LMBR1: variants seen among roughly 807,000 people sequenced by gnomAD.
LMBR1 encodes limb region 1 protein homolog.
In LMBR1, 52 loss-of-function variants were observed where a neutral mutation model predicts 73.9. That is an observed-to-expected ratio of 0.70 (90% CI 0.56 to 0.89). The LOEUF (loss-of-function observed/expected upper bound fraction) is 0.89, where lower values mean the gene tolerates loss of function less well. LMBR1 is among the 40% of genes least tolerant of loss of function. The probability of loss-of-function intolerance (pLI) is 0.00; values close to 1 mark genes in which losing one functional copy is unlikely to be tolerated. For missense variants in LMBR1, 539 were observed against 579.8 expected, an observed-to-expected ratio of 0.93 and a Z score of 0.72; for synonymous variants, 215 against 209.4, an observed-to-expected ratio of 1.03 and a Z score of -0.23.
intron 5 of LMBR1, among the ~76,000 whole-genome samples, chr7:156,776,781 C>T (rs992889982): frequency 2.6e-5 from 4 of 152,108 alleles, no homozygotes; most frequent in African/African-American, 7.2e-5. Flanking sequence ...AATCCCCTGG[C>T]GCCTACTCCT....
chr7:156,763,843 T>G, intron 5 of LMBR1, 48 bp from the exon 6 acceptor site: 1 of 1,497,356 alleles, frequency 6.7e-7, no homozygotes, highest in Non-Finnish European at 9.0e-7. Context: ...CTTCATTTCA[T>G]GAACAATAAG....
chr7:156,867,525 T>G (rs894779849), intron 1 of LMBR1, among the ~76,000 whole-genome samples: 10 of 152,208 alleles, frequency 6.6e-5, no homozygotes, highest in African/African-American at 2.2e-4. Flanking sequence ...CATCACCTGA[T>G]GAATAAACAA....
intron 1 of LMBR1, among the ~76,000 whole-genome samples, chr7:156,847,773 G>T (rs962631034): frequency 6.6e-6 from 1 of 152,184 alleles, no homozygotes; most frequent in African/African-American, 2.4e-5. Context: ...CCAAATGCTG[G>T]TGAGGATGTG....
intron 1 of LMBR1, among the ~76,000 whole-genome samples, chr7:156,845,176 A>T (rs1461085540): frequency 2.6e-5 from 4 of 152,192 alleles, no homozygotes; most frequent in Non-Finnish European, 5.9e-5. Context: ...TACCCCAAGA[A>T]TATATACATC....
In LMBR1 at chr7:156,678,606, G is replaced by C. The variant is rs1431498197; in HGVS notation, c.*5472C>G. 1 of 152,208 alleles carries C rather than the reference G, an allele frequency of 6.6e-6. No homozygotes were observed. Among genetic ancestry groups the C allele is most frequent in the African/African-American group, 2.4e-5 (1 of 41,448 alleles). The allele number at this position is 152,208 out of a possible 1,614,324, so 9.4% of individuals were successfully genotyped here. ...CTATAAAAACTGGGACACTGACCAA[G>C]AAAGAGTGGGGCCTTTGGAAACATG... On this transcript the variant is annotated 3_prime_UTR_variant, in exon 17 of 17. Coordinates refer to ENST00000353442, the MANE Select transcript of LMBR1 (RefSeq NM_022458.4).
chr7:156,836,575 T>A (rs530985453), intron 2 of LMBR1, among the ~76,000 whole-genome samples: 1 of 152,228 alleles, frequency 6.6e-6, no homozygotes, highest in Non-Finnish European at 1.5e-5. Flanking sequence ...CCTAGCACTA[T>A]TCTTAGTTGG....
At chr7:156,794,093 C>T (rs1364809290) in intron 5 of LMBR1, among the ~76,000 whole-genome samples, 4 of 152,164 alleles carry the variant, frequency 2.6e-5, no homozygotes, top group African/African-American at 9.7e-5. Flanking sequence ...GGACAAATGG[C>T]AGTCGTCCGG....
chr7:156,860,230 G>C (rs1032793836), intron 1 of LMBR1, among the ~76,000 whole-genome samples: 1 of 152,176 alleles, frequency 6.6e-6, no homozygotes. Context: ...CACGTGGCTG[G>C]GGAGGCCTCA....
intron 9 of LMBR1, among the ~76,000 whole-genome samples, chr7:156,737,756 T>G (rs1163954826): frequency 6.6e-6 from 1 of 151,910 alleles, no homozygotes; most frequent in Non-Finnish European, 1.5e-5. Context: ...CATCTCTATC[T>G]CTGCCAGGAT....
intron 5 of LMBR1, among the ~76,000 whole-genome samples, chr7:156,768,056 C>T (rs1161693820): frequency 2.6e-5 from 4 of 152,080 alleles, no homozygotes; most frequent in African/African-American, 9.7e-5. Context: ...GTACATAGCG[C>T]TTCATTGTTA....
At chr7:156,700,584 G>T (rs949691033) in intron 15 of LMBR1, among the ~76,000 whole-genome samples, 1 of 151,886 alleles carries the variant, frequency 6.6e-6, no homozygotes, top group African/African-American at 2.4e-5. Context: ...GCTCCAGTTC[G>T]CAACAAGTTC....
intron 9 of LMBR1, among the ~76,000 whole-genome samples, chr7:156,749,367 C>T (rs1820417507): frequency 1.3e-5 from 2 of 152,182 alleles, no homozygotes; most frequent in Non-Finnish European, 2.9e-5. Flanking sequence ...CAGACTACTA[C>T]TCTGAGATAG....
At chr7:156,773,723 G>A (rs1021057310) in intron 5 of LMBR1, among the ~76,000 whole-genome samples, 2 of 152,152 alleles carry the variant, frequency 1.3e-5, no homozygotes, top group Middle Eastern at 3.4e-3. Flanking sequence ...AGACTTAAAT[G>A]TAAAACCTAA....
intron 4 of LMBR1, among the ~76,000 whole-genome samples, chr7:156,824,847 TAAA>T (rs756011629): frequency 3.4e-5 from 3 of 89,540 alleles, no homozygotes; most frequent in Admixed American, 1.1e-4. Flanking sequence ...CCTGTCTCAA[TAAA>T]AAAAAAAAAA....
At chr7:156,795,971 G>T (rs1830004912) in intron 5 of LMBR1, among the ~76,000 whole-genome samples, 1 of 152,084 alleles carries the variant, frequency 6.6e-6, no homozygotes, top group Non-Finnish European at 1.5e-5. Flanking sequence ...TCTGATCCTG[G>T]TATATTTACT....
At position 156,678,511 on chromosome 7, in the gene LMBR1, A is replaced by G. The variant is rs1201030168; in HGVS notation, c.*5567T>C. ...CTGGACAATTTGAAGATAACGCCAC[A>G]TTGTCAGGTCAAGTCAGGAAAACAG... On this transcript the variant is annotated 3_prime_UTR_variant, in exon 17 of 17. Transcript: ENST00000353442. 1 of 152,208 alleles carries G rather than the reference A, an allele frequency of 6.6e-6. No homozygotes were observed. The highest frequency in any genetic ancestry group is 1.9e-4 in the East Asian group (1 of 5,188). The allele number at this position is 152,208 out of a possible 1,614,324, so 9.4% of individuals were successfully genotyped here. A position where few individuals can be genotyped will look rare whatever the true frequency, so the allele number is the denominator to read the frequency against.
Position 156,669,454 on chromosome 7 carries a change from C to A in LMBR1, n.867-167G>T, listed in dbSNP as rs73744306. ...GCACCCTGAACCCAAATGGAGGAACCGTGCCGTTCCCTGGAACCTCTGTCC... is the reference window on the plus strand; with the variant it reads ...GCACCCTGAACCCAAATGGAGGAACAGTGCCGTTCCCTGGAACCTCTGTCC... On this transcript the variant is annotated intron_variant and non_coding_transcript_variant, in intron 4 of 4. Coordinates refer to the LMBR1 transcript ENST00000430825. This position sits in a 1 kb window ranked among gnomAD's most constrained non-coding sequence, Gnocchi z 4.2. Among the ~76,000 whole-genome samples the A allele has an allele frequency of 6.6e-6, 1 of 152,100 alleles. No individual in the cohort carries two copies.
chr7:156,782,268 C>T (rs1377595256), intron 5 of LMBR1, among the ~76,000 whole-genome samples: 2 of 152,204 alleles, frequency 1.3e-5, no homozygotes, highest in Non-Finnish European at 2.9e-5. Flanking sequence ...AATAATGCTG[C>T]TATGAACATG....
intron 4 of LMBR1, among the ~76,000 whole-genome samples, chr7:156,814,493 G>A (rs577405230): frequency 6.6e-6 from 1 of 152,248 alleles, no homozygotes; most frequent in South Asian, 2.1e-4. Flanking sequence ...AAAACACCAG[G>A]ACATCTTTCA....
Sources: allele counts gnomAD v4.1 joint callset (sites outside exome capture counted in the v4.1 genomes callset), GRCh38; gene constraint gnomAD v4.1.1; non-coding constraint Gnocchi (gnomAD v3.1); transcripts MANE v1.5; gene names NCBI Gene and HGNC (gene_info 2026-07-23, HGNC 2026-07-21).